Variants in COQ6 observed in about 807,000 individuals in gnomAD.
COQ6 encodes ubiquinone biosynthesis monooxygenase COQ6, mitochondrial.
In COQ6, 45 loss-of-function variants were observed where a neutral mutation model predicts 55.5. That is an observed-to-expected ratio of 0.81 (90% CI 0.64 to 1.04). The LOEUF is 1.04. Ranked by LOEUF, COQ6 falls within the 50% of genes least tolerant of loss-of-function variation. COQ6 has a pLI of 0.00. For synonymous variants in COQ6, 206 were observed against 230.5 expected, an observed-to-expected ratio of 0.89 and a Z score of 0.96; for missense variants, 550 against 601.3, an observed-to-expected ratio of 0.91 and a Z score of 0.89.
chr14:73,951,206 G>A (rs1360889500), intron 1 of COQ6, among the ~76,000 whole-genome samples: 1 of 152,086 alleles, frequency 6.6e-6, no homozygotes, highest in African/African-American at 2.4e-5. Context: ...ATGTTGCCCA[G>A]GCTGGTCTGG....
chr14:73,961,108 A>C, intron 8 of COQ6, 65 bp from the exon 9 acceptor site: 1 of 1,543,194 alleles, frequency 6.5e-7, no homozygotes, highest in South Asian at 1.2e-5. Context: ...AGGTTTCTTT[A>C]TTGAATTTTT....
chr14:73,951,281 C>G (rs1322646360), intron 1 of COQ6, among the ~76,000 whole-genome samples: 1 of 151,520 alleles, frequency 6.6e-6, no homozygotes, highest in Non-Finnish European at 1.5e-5. Context: ...CCGGCATAAG[C>G]AACCCTGCCT....
chr14:73,949,970 C>T (rs749760564), upstream of COQ6: 2 of 1,613,556 alleles, frequency 1.2e-6, no homozygotes, highest in African/African-American at 2.7e-5. Flanking sequence ...TTTCTCTCCT[C>T]ACCTGACGGC....
intron 5 of COQ6, 144 bp downstream of exon 5, chr14:73,958,421 C>G: frequency 6.6e-7 from 1 of 1,514,882 alleles, no homozygotes; most frequent in Non-Finnish European, 8.9e-7. Context: ...TTCAGGCCAG[C>G]TCAAGTGGAG....
chr14:73,962,310 C>T, intron 11 of COQ6, among the ~76,000 whole-genome samples: 1 of 152,102 alleles, frequency 6.6e-6, no homozygotes, highest in East Asian at 1.9e-4. Context: ...ATGTGTTTGC[C>T]TTCCCAAGGG....
At position 73,963,011 on chromosome 14, in the gene COQ6, C is replaced by A; in HGVS notation, c.*12C>A. On this transcript the variant is annotated 3_prime_UTR_variant, in exon 12 of 12. Transcript: ENST00000334571. ...TTGCAAGCAAATGAGTACTCCTCTC[C>A]TAAAGAAAGATTACGTTGATGAAAA... is the stretch of plus-strand genomic sequence containing the variant. The A allele has an allele frequency of 6.2e-7, 1 of 1,600,340 alleles. No individual in the cohort carries two copies. The highest frequency in any genetic ancestry group is 8.6e-7 in the Non-Finnish European group (1 of 1,167,494).
intron 2 of COQ6, among the ~76,000 whole-genome samples, chr14:73,955,021 G>A (rs1345457453): frequency 1.4e-5 from 2 of 143,200 alleles, no homozygotes; most frequent in Non-Finnish European, 3.0e-5. Context: ...GCACGATCTC[G>A]GCTCACTGCA....
Position 73,959,156 on chromosome 14 carries a change from T to A in COQ6, c.721-6T>A. On this transcript the variant is annotated splice_region_variant and splice_polypyrimidine_tract_variant and intron_variant, in intron 6 of 11. Transcript: ENST00000334571. The stretch of plus-strand genomic sequence containing the variant: ...CACAGAGAAACTTTTCTCCTCTCTG[T>A]TGCAGGCCACAGAAAACAACGTAGC... 1 of 1,614,176 alleles carries A rather than the reference T, an allele frequency of 6.2e-7. No homozygotes were observed. Among genetic ancestry groups the A allele is most frequent in the Non-Finnish European group, 8.5e-7 (1 of 1,180,022 alleles).
intron 2 of COQ6, chr14:73,953,925 A>T (rs1289858665): frequency 5.8e-6 from 2 of 344,264 alleles, no homozygotes; most frequent in Admixed American, 8.2e-5. Flanking sequence ...GCCTTCTAGC[A>T]AGCTAGGGAG....
intron 4 of COQ6, 24 bp from the exon 5 acceptor site, chr14:73,958,123 T>C (rs766770883): frequency 3.3e-5 from 53 of 1,605,566 alleles, no homozygotes; most frequent in Admixed American, 2.2e-4. Context: ...TCTAATTTTT[T>C]TTCCTCTCTT....
intron 8 of COQ6, chr14:73,959,897 G>A (rs2056631509): frequency 5.8e-6 from 7 of 1,208,588 alleles, no homozygotes; most frequent in Non-Finnish European, 6.2e-6. Flanking sequence ...TCAGGAAAAA[G>A]GAGTAACCAG....
At chr14:73,953,832 T>C in intron 2 of COQ6, 3 of 554,212 alleles carry the variant, frequency 5.4e-6, no homozygotes, top group Non-Finnish European at 9.7e-6. Context: ...TGTTGTGTCA[T>C]TATGAATTGG....
chr14:73,953,377 G>A, intron 1 of COQ6, 58 bp from the exon 2 acceptor site: 1 of 1,441,068 alleles, frequency 6.9e-7, no homozygotes, highest in Non-Finnish European at 9.7e-7. Context: ...GTTTCTCTTG[G>A]TAATGGGAAA....
intron 4 of COQ6, among the ~76,000 whole-genome samples, chr14:73,957,147 G>C (rs961830927): frequency 2.0e-5 from 3 of 151,612 alleles, no homozygotes; most frequent in African/African-American, 7.3e-5. Context: ...GCCCAGGCTG[G>C]AGTGCAGTGG....
At chr14:73,950,716 T>C in intron 1 of COQ6, 1 of 639,564 alleles carries the variant, frequency 1.6e-6, no homozygotes. Context: ...TCTGTTCTAC[T>C]CATGGGAAAA....
rs753292095 is a variant in COQ6 at position 73,953,674 on chromosome 14, C to T, written c.298+105C>T. 233 of 1,473,270 alleles carry T rather than the reference C, an allele frequency of 1.6e-4. 1 individual carries two copies. Among genetic ancestry groups the T allele is most frequent in the Admixed American group, 5.1e-5 (3 of 59,350 alleles). The allele number at this position is 1,473,270 out of a possible 1,614,324, so 91.3% of individuals were successfully genotyped here. ...CAGAGCATCTGACAAGGAGGGAGCT[C>T]ACTGAGGTGGGTGGAGAGAGGGGGT... On this transcript the variant is annotated intron_variant, in intron 2 of 11. Transcript: ENST00000334571.
At chr14:73,957,098 A>G (rs181739324) in intron 4 of COQ6, among the ~76,000 whole-genome samples, 1 of 127,434 alleles carries the variant, frequency 7.8e-6, no homozygotes, top group Admixed American at 8.0e-5. Context: ...TATTATTATT[A>G]TTATTTTTTT....
Position 73,963,229 on chromosome 14 carries a change from A to G in COQ6, c.*230A>G, listed in dbSNP as rs893553841. 17 of 577,150 alleles carry G rather than the reference A, an allele frequency of 2.9e-5. No homozygotes were observed. The highest frequency in any genetic ancestry group is 4.5e-4 in the Middle Eastern group (1 of 2,206). 35.8% of individuals were successfully genotyped at this position (577,150 alleles called of 1,614,324 possible). A position where few individuals can be genotyped will look rare whatever the true frequency, so the allele number is the denominator to read the frequency against. On this transcript the variant is annotated 3_prime_UTR_variant, in exon 12 of 12. Coordinates refer to ENST00000334571, the MANE Select transcript of COQ6 (RefSeq NM_182476.3). ...AAAAAACTTCGAAGGAAGACTTACA[A>G]TTTGGTTGAAAAGAGCTTTTTATTA...
rs1228904042 is a variant in COQ6, at chr14:73,955,510, G to C, written c.357+1G>C. 1.2e-6 allele frequency: 2 copies of C among 1,613,666 alleles called. No individual in the cohort carries two copies. The highest frequency in any genetic ancestry group is 1.7e-6 in the Non-Finnish European group (2 of 1,179,690). ...ATACAGAGCCTTTCGGCGAATGCAG[G>C]TGCCCCTTTATCTTTTCAATTTTGT... On this transcript the variant is annotated splice_donor_variant, in intron 3 of 11. Coordinates refer to ENST00000334571, the MANE Select transcript of COQ6 (RefSeq NM_182476.3). LOFTEE classifies it high-confidence loss of function.
Sources: allele counts gnomAD v4.1 joint callset (sites outside exome capture counted in the v4.1 genomes callset), GRCh38; gene constraint gnomAD v4.1.1; transcripts MANE v1.5; gene names NCBI Gene and HGNC (gene_info 2026-07-23, HGNC 2026-07-21).